The following COMMD10 variants were observed in gnomAD, a reference collection of about 807,000 sequenced individuals.
The protein encoded by COMMD10 is COMM domain-containing protein 10.
A neutral mutation model predicts 28.9 loss-of-function variants in COMMD10; 33 were observed. The ratio of observed to expected loss-of-function variants is 1.14; its 90% CI spans 0.87 to 1.53. The LOEUF is 1.53. Ranked by LOEUF, COMMD10 falls within the 40% of genes most tolerant of loss-of-function variation. The pLI is 0.00. For synonymous variants in COMMD10, 110 were observed against 81.7 expected (o/e 1.35, Z -1.87); for missense variants, 310 against 233.4 (o/e 1.33, Z -2.14).
intron 5 of COMMD10, among the ~76,000 whole-genome samples, chr5:116,179,177 A>G (rs1039484752): frequency 2.0e-5 from 3 of 152,216 alleles, no homozygotes; most frequent in Non-Finnish European, 4.4e-5. Flanking sequence ...CAGGAAGTTT[A>G]TAACCTAATA....
chr5:116,160,097 G>A (rs1309086896), intron 5 of COMMD10, among the ~76,000 whole-genome samples: 1 of 152,124 alleles, frequency 6.6e-6, no homozygotes, highest in African/African-American at 2.4e-5. Context: ...CAGTGGGATA[G>A]CAAACAAGAG....
chr5:116,137,828 T>A (rs755741549), intron 5 of COMMD10, among the ~76,000 whole-genome samples: 1 of 151,980 alleles, frequency 6.6e-6, no homozygotes, highest in Non-Finnish European at 1.5e-5. Flanking sequence ...ACTAGGTGAT[T>A]GTAGCTTTCC....
At chr5:116,175,978 A>G (rs1250031266) in intron 5 of COMMD10, among the ~76,000 whole-genome samples, 9 of 152,264 alleles carry the variant, frequency 5.9e-5, no homozygotes, top group African/African-American at 2.2e-4. Flanking sequence ...ATATGAATGT[A>G]CTTGTTGCCA....
At chr5:116,172,182 G>C (rs1753358095) in intron 5 of COMMD10, among the ~76,000 whole-genome samples, 1 of 151,996 alleles carries the variant, frequency 6.6e-6, no homozygotes, top group African/African-American at 2.4e-5. Context: ...TCCCATATTG[G>C]CTTACCAGCT....
intron 5 of COMMD10, among the ~76,000 whole-genome samples, chr5:116,212,758 A>G (rs542543447): frequency 1.3e-5 from 2 of 152,148 alleles, no homozygotes; most frequent in Non-Finnish European, 2.9e-5. Context: ...ATAGTGGTAT[A>G]TAACTTAGTA....
intron 4 of COMMD10, among the ~76,000 whole-genome samples, chr5:116,093,324 A>T (rs1040250124): frequency 1.3e-5 from 2 of 152,170 alleles, no homozygotes; most frequent in Admixed American, 1.3e-4. Context: ...TCTAAAAGAG[A>T]ATGCTAGAGT....
chr5:116,250,916 G>A (rs1750094687), intron 5 of COMMD10, among the ~76,000 whole-genome samples: 1 of 151,990 alleles, frequency 6.6e-6, no homozygotes, highest in South Asian at 2.1e-4. Flanking sequence ...GGGAAAGGGT[G>A]ACGTTTCTGT....
At position 116,157,404 on chromosome 5, in the gene COMMD10, G is replaced by C. The variant is rs139225664; in HGVS notation, c.510+23226G>C. Reference sequence around the variant, plus strand: ...GGCTTGGCTGATCCAAGGCTGACTTGCTCATGTTTCAGCAGTTTGCCGGGT... The same window carrying C: ...GGCTTGGCTGATCCAAGGCTGACTTCCTCATGTTTCAGCAGTTTGCCGGGT... On this transcript the variant is annotated intron_variant, in intron 5 of 6. Coordinates refer to ENST00000274458, the MANE Select transcript of COMMD10 (RefSeq NM_016144.4). Among the ~76,000 whole-genome samples, 14 of 152,270 alleles carry C rather than the reference G, an allele frequency of 9.2e-5. No individual in the cohort carries two copies. In the East Asian group the frequency reaches 2.5e-3, roughly 27 times the overall value.
chr5:116,153,153 A>C (rs563197248), intron 5 of COMMD10, among the ~76,000 whole-genome samples: 2 of 152,134 alleles, frequency 1.3e-5, no homozygotes, highest in South Asian at 2.1e-4. Context: ...TAAAAGTGAT[A>C]ATCTTTGGAG....
chr5:116,153,079 C>G (rs564086097), intron 5 of COMMD10, among the ~76,000 whole-genome samples: 5 of 152,194 alleles, frequency 3.3e-5, no homozygotes, highest in African/African-American at 9.6e-5. Flanking sequence ...CGACACTACA[C>G]ATGAATGACC....
chr5:116,272,094 A>G (rs1415635549), intron 5 of COMMD10, among the ~76,000 whole-genome samples: 2 of 151,878 alleles, frequency 1.3e-5, no homozygotes, highest in Admixed American at 6.6e-5. Context: ...TGCAAATTTT[A>G]TTTCTCAACA....
chr5:116,087,157 C>T (rs952856844), intron 1 of COMMD10, among the ~76,000 whole-genome samples: 3 of 152,176 alleles, frequency 2.0e-5, no homozygotes, highest in Non-Finnish European at 2.9e-5. Flanking sequence ...TCCTCCCACC[C>T]CTTTCAGAGT....
chr5:116,085,468 G>A (rs1750062738), intron 1 of COMMD10: 2 of 256,062 alleles, frequency 7.8e-6, no homozygotes, highest in Non-Finnish European at 7.5e-6. Flanking sequence ...TTTCAGTTCC[G>A]GTTCAGACAC....
chr5:116,142,860 G>A (rs1303365190), intron 5 of COMMD10, among the ~76,000 whole-genome samples: 1 of 151,534 alleles, frequency 6.6e-6, no homozygotes, highest in Non-Finnish European at 1.5e-5. Flanking sequence ...TTAGATAATT[G>A]CCAAGATACT....
chr5:116,126,414 GA>G (rs199815750), intron 4 of COMMD10, among the ~76,000 whole-genome samples: 47,702 of 151,676 alleles, frequency 0.31, 10,344 homozygotes, highest in African/African-American at 0.62. Flanking sequence ...CACAGAATTG[GA>G]AAAAACTACT....
At chr5:116,129,210 C>T (rs1751769706) in intron 4 of COMMD10, among the ~76,000 whole-genome samples, 1 of 150,632 alleles carries the variant, frequency 6.6e-6, no homozygotes, top group Non-Finnish European at 1.5e-5. Flanking sequence ...TAAGGAAGCC[C>T]CATATATTCT....
intron 4 of COMMD10, among the ~76,000 whole-genome samples, chr5:116,121,125 T>C (rs1399383105): frequency 1.3e-5 from 2 of 152,100 alleles, no homozygotes; most frequent in Non-Finnish European, 2.9e-5. Flanking sequence ...AATGCTCTCC[T>C]TCCCCCTGCC....
In COMMD10 at chr5:116,211,614, T is replaced by C. The variant is rs181985796; in HGVS notation, c.510+77436T>C. ...TTTGTCACTTATTAGCACATTAATA[T>C]GGATTTGTATAAATAAATTTCTAGT... On this transcript the variant is annotated intron_variant, in intron 5 of 6. Coordinates refer to ENST00000274458, the MANE Select transcript of COMMD10 (RefSeq NM_016144.4). Among the ~76,000 whole-genome samples, 392 of 152,258 alleles carry C rather than the reference T, an allele frequency of 2.6e-3. 1 individual carries two copies. The highest frequency in any genetic ancestry group is 4.4e-3 in the Non-Finnish European group (302 of 68,002).
chr5:116,290,039 C>G (rs1580365820), intron 5 of COMMD10, among the ~76,000 whole-genome samples: 2 of 151,918 alleles, frequency 1.3e-5, no homozygotes, highest in African/African-American at 2.4e-5. Context: ...AAACAAGAAC[C>G]TGGCTTGACT....
Sources: gnomAD v4.1 joint callset for allele counts (sites outside exome capture counted in the v4.1 genomes callset) on GRCh38, gnomAD v4.1.1 for gene constraint, MANE v1.5 for transcripts, NCBI Gene and HGNC (gene_info 2026-07-23, HGNC 2026-07-21) for gene names.